ACTG1: variants seen among roughly 807,000 people sequenced by gnomAD.
The protein encoded by ACTG1 is actin, cytoplasmic 2.
A neutral mutation model predicts 34.3 loss-of-function variants in ACTG1; 14 were observed. The observed-to-expected ratio is 0.41, with a 90% CI of 0.27 to 0.64. The LOEUF is 0.64. Ranked by LOEUF, ACTG1 falls within the 30% of genes least tolerant of loss-of-function variation. The probability of loss-of-function intolerance (pLI) is 0.33; values close to 1 mark genes in which losing one functional copy is unlikely to be tolerated. For synonymous variants in ACTG1, 422 were observed against 213.9 expected, an observed-to-expected ratio of 1.97 and a Z score of -8.49; for missense variants, 233 against 529.5, an observed-to-expected ratio of 0.44 and a Z score of 5.50.
At chr17:81,512,583 C>T in intron 1 of ACTG1, 151 bp downstream of exon 1, 1 of 679,264 alleles carries the variant, frequency 1.5e-6, no homozygotes, top group East Asian at 2.9e-5. Flanking sequence ...CCCCCGGCGC[C>T]CCCCCAGCCC....
intron 5 of ACTG1, 22 bp from the exon 6 acceptor site, chr17:81,510,855 G>C: frequency 6.2e-7 from 1 of 1,606,936 alleles, no homozygotes; most frequent in African/African-American, 1.4e-5. Context: ...GCCAGGCACG[G>C]CTTCAGCTCA....
At chr17:81,511,753 A>C (rs2031799474) in intron 3 of ACTG1, 127 bp from the exon 4 acceptor site, 1 of 1,527,122 alleles carries the variant, frequency 6.5e-7, no homozygotes, top group Non-Finnish European at 8.9e-7. Context: ...GCAGAAACCA[A>C]ATGAGAAACC....
At position 81,510,990 on chromosome 17, in the gene ACTG1, C is replaced by T. The variant is rs782215635; in HGVS notation, c.921G>A (p.Pro307=). The stretch of plus-strand genomic sequence containing the variant: ...CCTTCTGCATCCTGTCGGCAATGCC[C>T]GGGTACATGGTGGTGCCGCCCGACA... The part of the protein sequence containing the change: ...TVLSGGTTMY[P]GIADRMQKEI... Residue 307 remains proline (P), a synonymous_variant, in exon 5 of 6, where the codon CCG becomes CCA. Coordinates refer to ENST00000573283, the MANE Select transcript of ACTG1 (RefSeq NM_001614.5). 33 of 1,613,934 alleles carry T rather than the reference C, an allele frequency of 2.0e-5. No homozygotes were observed. Among genetic ancestry groups the T allele is most frequent in the Admixed American group, 1.5e-4 (9 of 59,990 alleles).
chr17:81,512,434 C>A (rs1398724082), intron 1 of ACTG1, 74 bp from the exon 2 acceptor site: 1 of 1,611,434 alleles, frequency 6.2e-7, no homozygotes, highest in African/African-American at 1.3e-5. Context: ...CTAATGCCCT[C>A]CCGCGGGGAA....
At chr17:81,512,639 C>T (rs1568063950) in intron 1 of ACTG1, 95 bp downstream of exon 1, 1 of 479,788 alleles carries the variant, frequency 2.1e-6, no homozygotes, top group East Asian at 4.3e-5. Context: ...CCGGGGAAGG[C>T]GCGACGAGGC....
rs7503278 is a variant in ACTG1 at position 81,512,782 on chromosome 17, C to G, written c.-55G>C. The G allele has an allele frequency of 9.5e-5, 39 of 409,230 alleles. No individual in the cohort carries two copies. The highest frequency in any genetic ancestry group is 1.7e-4 in the Non-Finnish European group (36 of 207,390). The allele number at this position is 409,230 out of a possible 1,614,324, so 25.3% of individuals were successfully genotyped here. On this transcript the variant is annotated 5_prime_UTR_variant, in exon 1 of 6. Coordinates refer to ENST00000573283, the MANE Select transcript of ACTG1 (RefSeq NM_001614.5). ...GCGGCGGAAGAACAGAGTGCGAGAGCTGGCAGCGGCGACTGAGACCGACCG... is the reference window on the plus strand; with the variant it reads ...GCGGCGGAAGAACAGAGTGCGAGAGGTGGCAGCGGCGACTGAGACCGACCG...
rs781974269 is a variant in ACTG1 at position 81,510,192 on chromosome 17, CA to C, written c.*497del. The C allele has an allele frequency of 1.8e-4, 92 of 522,330 alleles. No individual in the cohort carries two copies. Among genetic ancestry groups the C allele is most frequent in the African/African-American group, 1.7e-3 (90 of 51,470 alleles). The allele number at this position is 522,330 out of a possible 1,614,324, so 32.4% of individuals were successfully genotyped here. A position where few individuals can be genotyped will look rare whatever the true frequency, so the allele number is the denominator to read the frequency against. On this transcript the variant is annotated 3_prime_UTR_variant, in exon 6 of 6. Transcript: ENST00000573283. ...AAGTAACAGCCCACGGTGTTCTGGC[CA>C]AAGACATCAGCTAAGAAAGGAAACT...
chr17:81,512,224 C>T lies in ACTG1; in HGVS notation c.123+8G>A, dbSNP rs536476533. 23 of 1,613,514 alleles carry T rather than the reference C, an allele frequency of 1.4e-5. No individual in the cohort carries two copies. The highest frequency in any genetic ancestry group is 6.7e-5 in the Admixed American group (4 of 60,018). On this transcript the variant is annotated splice_region_variant and intron_variant, in intron 2 of 5. Coordinates refer to ENST00000573283, the MANE Select transcript of ACTG1 (RefSeq NM_001614.5). ...GAACCCAGGAGCCCCGCGGCGCCAT[C>T]CACTCACCTGGTGTCTGGGGCGCCC...
Position 81,512,391 on chromosome 17 carries a change from G to C in ACTG1, c.-6-31C>G, listed in dbSNP as rs201960716. 2.1e-4 allele frequency: 337 copies of C among 1,613,644 alleles called. No individual in the cohort carries two copies. The African/African-American group carries it at 4.0e-3, about 19-fold the overall frequency. The stretch of plus-strand genomic sequence containing the variant: ...CGGAAAAGGATGGACTCAGGCGGGC[G>C]CGTCTGTAACACGGTCCCCTCCCCA... On this transcript the variant is annotated intron_variant, in intron 1 of 5. Transcript: ENST00000573283.
At position 81,511,570 on chromosome 17, in the gene ACTG1, C is replaced by T. The variant is rs538650605; in HGVS notation, c.420G>A (p.Leu140=). The change falls in exon 4 of 6, where the codon CTG becomes CTA. Residue 140 remains leucine (L), a synonymous_variant. Transcript: ENST00000573283. ...PAMYVAIQAV[L]SLYASGRTTG... is the part of the protein sequence containing the mutation. ...TGGTGCGCCCAGAGGCGTAGAGGGA[C>T]AGCACGGCCTGGATGGCCACGTACA... is the stretch of plus-strand genomic sequence containing the variant. 1.1e-5 allele frequency: 18 copies of T among 1,613,836 alleles called. No homozygotes were observed. The highest frequency in any genetic ancestry group is 4.0e-5 in the African/African-American group (3 of 75,060).
In ACTG1 at chr17:81,511,662, G is replaced by GA. The variant is rs782611829; in HGVS notation, c.364-37dup. On this transcript the variant is annotated intron_variant, in intron 3 of 5. Coordinates refer to ENST00000573283, the MANE Select transcript of ACTG1 (RefSeq NM_001614.5). Reference sequence around the variant, plus strand: ...ACAAGGGGCGGCTTAGTCAGGGACAGAGACCCACGGCCACCCCATGCTCAC... The same window carrying GA: ...ACAAGGGGCGGCTTAGTCAGGGACAGAAGACCCACGGCCACCCCATGCTCAC... 21 of 1,598,188 alleles carry GA rather than the reference G, an allele frequency of 1.3e-5. No individual in the cohort carries two copies. In the African/African-American group the frequency reaches 2.3e-4, roughly 17 times the overall value.
rs727504806 is a variant in ACTG1 at position 81,511,083 on chromosome 17, C to T, written c.828G>A (p.Glu276=). The T allele has an allele frequency of 3.1e-6, 5 of 1,614,016 alleles. No individual in the cohort carries two copies. Among genetic ancestry groups the T allele is most frequent in the Admixed American group, 3.3e-5 (2 of 60,024 alleles). The change falls in exon 5 of 6, where the codon GAG becomes GAA. Residue 276 remains glutamate (E), a synonymous_variant. Coordinates refer to ENST00000573283, the MANE Select transcript of ACTG1 (RefSeq NM_001614.5). ...FLGMESCGIH[E]TTFNSIMKCD... ...ACTTCATGATGGAGTTGAAGGTGGT[C>T]TCGTGGATGCCGCAAGATTCCATAC... is the stretch of plus-strand genomic sequence containing the variant.
In ACTG1 at chr17:81,510,628, A is replaced by C; in HGVS notation, c.*62T>G. ...CTAGCATGAGGTGTGTGCATTTGCCAGGGGCAAATTTCTATTCTCAATTAA... is the reference window on the plus strand; with the variant it reads ...CTAGCATGAGGTGTGTGCATTTGCCCGGGGCAAATTTCTATTCTCAATTAA... On this transcript the variant is annotated 3_prime_UTR_variant, in exon 6 of 6. Coordinates refer to ENST00000573283, the MANE Select transcript of ACTG1 (RefSeq NM_001614.5). 1 of 1,603,914 alleles carries C rather than the reference A, an allele frequency of 6.2e-7. No individual in the cohort carries two copies.
At position 81,510,490 on chromosome 17, in the gene ACTG1, G is replaced by A. The variant is rs782386808; in HGVS notation, c.*200C>T. The A allele has an allele frequency of 2.0e-5, 15 of 755,084 alleles. No individual in the cohort carries two copies. The highest frequency in any genetic ancestry group is 5.2e-5 in the African/African-American group (3 of 57,992). 46.8% of individuals were successfully genotyped at this position (755,084 alleles called of 1,614,324 possible). On this transcript the variant is annotated 3_prime_UTR_variant, in exon 6 of 6. Transcript: ENST00000573283. ...TATTAAACAAATACCAAGGGGAACA[G>A]TTAACTTCAATACAAGGTCAAAATC...
chr17:81,510,939 G>C lies in ACTG1; in HGVS notation c.972C>G (p.Thr324=), dbSNP rs1555666460. 6.2e-7 allele frequency: 1 copy of C among 1,614,060 alleles called. No homozygotes were observed. The highest frequency in any genetic ancestry group is 8.5e-7 in the Non-Finnish European group (1 of 1,180,006). The change falls in exon 5 of 6, where the codon ACC becomes ACG. Residue 324 remains threonine, a synonymous_variant. Transcript: ENST00000573283. ...CCCCTCGACTCACCTTGATCTTCAT[G>C]GTGCTGGGCGCCAGGGCGGTGATCT... ...QKEITALAPS[T]MKIKIIAPPE... is the part of the protein sequence containing the mutation.
At position 81,512,071 on chromosome 17, in the gene ACTG1, C is replaced by T. The variant is rs2031833199; in HGVS notation, c.195G>A (p.Leu65=). 6.2e-7 allele frequency: 1 copy of T among 1,614,020 alleles called. No individual in the cohort carries two copies. Among genetic ancestry groups the T allele is most frequent in the African/African-American group, 1.3e-5 (1 of 75,070 alleles). The change falls in exon 3 of 6, where the codon CTG becomes CTA. Residue 65 remains leucine (L), a synonymous_variant. Coordinates refer to ENST00000573283, the MANE Select transcript of ACTG1 (RefSeq NM_001614.5). ...CATGCTCAATGGGGTACTTCAGGGT[C>T]AGGATGCCACGCTTGCTCTGGGCCT... ...GDEAQSKRGI[L]TLKYPIEHGI...
Position 81,512,757 on chromosome 17 carries a change from G to A in ACTG1, c.-30C>T, listed in dbSNP as rs782213169. 1.4e-4 allele frequency: 60 copies of A among 414,028 alleles called. No homozygotes were observed. The highest frequency in any genetic ancestry group is 8.1e-4 in the East Asian group (8 of 9,828). The allele number at this position is 414,028 out of a possible 1,614,324, so 25.6% of individuals were successfully genotyped here. ...ACCGGCAGAGAAACGCGACGGCGGA[G>A]CGGCGGAAGAACAGAGTGCGAGAGC... is the stretch of plus-strand genomic sequence containing the variant. On this transcript the variant is annotated 5_prime_UTR_variant, in exon 1 of 6. Coordinates refer to ENST00000573283, the MANE Select transcript of ACTG1 (RefSeq NM_001614.5).
At chr17:81,511,789 G>A (rs782283403) in intron 3 of ACTG1, 114 bp downstream of exon 3, 17 of 1,574,974 alleles carry the variant, frequency 1.1e-5, no homozygotes, top group African/African-American at 2.7e-5. Context: ...GGAAATGCCG[G>A]GAGAGGAACA....
chr17:81,512,568 C>G, intron 1 of ACTG1, 166 bp downstream of exon 1: 1 of 786,556 alleles, frequency 1.3e-6, no homozygotes, highest in Non-Finnish European at 2.0e-6. Flanking sequence ...GGGCCCCGCC[C>G]TGGACCCCCG....
Sources: gnomAD v4.1 joint callset for allele counts on GRCh38, gnomAD v4.1.1 for gene constraint, MANE v1.5 for transcripts, NCBI Gene and HGNC (gene_info 2026-07-23, HGNC 2026-07-21) for gene names.